Variants in CS observed in about 807,000 individuals in gnomAD.
CS encodes citrate synthase, also known as citrate synthase, mitochondrial.
Under a neutral mutation model 61.4 loss-of-function variants are expected in CS, and 13 were observed. The observed-to-expected ratio is 0.21, with a 90% confidence interval of 0.14 to 0.34. CS has a LOEUF of 0.34. Among genes scored for constraint, CS ranks in the 10% least tolerant of loss-of-function variants. CS has a pLI of 1.00. For missense variants in CS, 278 were observed against 573.4 expected (o/e 0.48, Z 5.26); for synonymous variants, 159 against 215.2 (o/e 0.74, Z 2.29).
intron 6 of CS, among the ~76,000 whole-genome samples, 187 bp from the exon 7 acceptor site, chr12:56,276,382 C>A (rs1000131674): frequency 6.6e-6 from 1 of 152,158 alleles, no homozygotes; most frequent in African/African-American, 2.4e-5. Context: ...CACTGAATAA[C>A]TATTATGACC....
intron 7 of CS, chr12:56,275,637 G>A (rs747345139): frequency 2.0e-5 from 6 of 305,184 alleles, no homozygotes; most frequent in Admixed American, 4.7e-5. Context: ...CACAGAGCTG[G>A]AGAGGTTACT....
intron 1 of CS, among the ~76,000 whole-genome samples, chr12:56,299,672 G>A (rs1480605363): frequency 6.6e-6 from 1 of 152,202 alleles, no homozygotes; most frequent in Admixed American, 6.5e-5. Context: ...TAGGCTTGGA[G>A]AAATGGAAAC....
chr12:56,299,886 T>A, intron 1 of CS: 1 of 402,404 alleles, frequency 2.5e-6, no homozygotes. Flanking sequence ...TCCCCTTTCA[T>A]TTCAGACATG....
chr12:56,274,111 C>T, intron 9 of CS: 1 of 343,976 alleles, frequency 2.9e-6, no homozygotes, highest in Non-Finnish European at 5.5e-6. Context: ...GTTGGGAGTC[C>T]TAGACTAGCC....
chr12:56,288,586 T>C (rs1162050210), intron 1 of CS, among the ~76,000 whole-genome samples: 3 of 151,992 alleles, frequency 2.0e-5, no homozygotes, highest in Non-Finnish European at 4.4e-5. Flanking sequence ...TACGCCTACC[T>C]CGGCCTCCCA....
chr12:56,300,164 G>A lies in CS; in HGVS notation c.38C>T (p.Thr13Ile), dbSNP rs779392959. ...LLTAAARLLGTKNASCLVLAA... is the reference protein window; with the variant it reads ...LLTAAARLLGIKNASCLVLAA... ...CTCCCTCCCCTCGCTGCTCACCTTG[G>A]TTCCCAAGAGCCGGGCGGCCGCAGT... Residue 13 changes from threonine to isoleucine, a missense_variant, in exon 1 of 11, where the codon ACC (threonine) becomes ATC (isoleucine). By Grantham distance (89) the Thr-to-Ile change is moderately conservative. Transcript: ENST00000351328. 2 of 1,568,306 alleles carry A rather than the reference G, an allele frequency of 1.3e-6. No individual in the cohort carries two copies. Among genetic ancestry groups the A allele is most frequent in the Non-Finnish European group, 1.7e-6 (2 of 1,157,906 alleles).
At chr12:56,297,605 G>A (rs1040398974) in intron 1 of CS, among the ~76,000 whole-genome samples, 2 of 152,168 alleles carry the variant, frequency 1.3e-5, no homozygotes, top group Middle Eastern at 3.2e-3. Flanking sequence ...TCAGGAGGCT[G>A]AGTCACGAGA....
intron 6 of CS, among the ~76,000 whole-genome samples, chr12:56,278,326 C>T (rs1872681681): frequency 6.6e-6 from 1 of 152,148 alleles, no homozygotes; most frequent in Non-Finnish European, 1.5e-5. Context: ...TGGGGTTTCA[C>T]CATATTGGCC....
rs1872616004 is a variant in CS at position 56,276,061 on chromosome 12, G to C, written c.723C>G (p.Thr241=). ...GATGATCAGTATAGCCTAACATGTT[G>C]GTGAAATTGTGAGACCAGTCCAGGT... ...DSNLDWSHNF[T]NMLGYTDHQF... is the part of the protein sequence containing the mutation. Residue 241 remains threonine, a synonymous_variant, in exon 7 of 11, where the codon ACC becomes ACG. Coordinates refer to ENST00000351328, the MANE Select transcript of CS (RefSeq NM_004077.3). 1.9e-6 allele frequency: 3 copies of C among 1,614,014 alleles called. No individual in the cohort carries two copies. The highest frequency in any genetic ancestry group is 2.7e-5 in the African/African-American group (2 of 74,900).
At chr12:56,296,795 C>T (rs1873320196) in intron 1 of CS, among the ~76,000 whole-genome samples, 1 of 152,184 alleles carries the variant, frequency 6.6e-6, no homozygotes, top group East Asian at 1.9e-4. Flanking sequence ...AGTCATCTCA[C>T]CACTAACACC....
chr12:56,282,762 C>T, intron 5 of CS, 98 bp downstream of exon 5: 4 of 1,574,946 alleles, frequency 2.5e-6, no homozygotes, highest in Non-Finnish European at 3.5e-6. Flanking sequence ...CTTCACTACG[C>T]ATCTCTATAA....
chr12:56,273,525 C>A, intron 10 of CS, 62 bp downstream of exon 10: 1 of 1,504,136 alleles, frequency 6.6e-7, no homozygotes, highest in Non-Finnish European at 9.2e-7. Flanking sequence ...TGACTTTGTG[C>A]ATGGCAGATA....
intron 9 of CS, 184 bp from the exon 10 acceptor site, chr12:56,273,980 C>T (rs1872570579): frequency 1.7e-6 from 1 of 581,852 alleles, no homozygotes. Flanking sequence ...ACCACAGGTG[C>T]ACACCAACAC....
intron 6 of CS, among the ~76,000 whole-genome samples, 184 bp from the exon 7 acceptor site, chr12:56,276,379 T>A (rs1872624367): frequency 6.6e-6 from 1 of 152,216 alleles, no homozygotes; most frequent in Non-Finnish European, 1.5e-5. Context: ...TTTCACTGAA[T>A]AACTATTATG....
chr12:56,273,485 G>C, intron 10 of CS, 102 bp downstream of exon 10: 1 of 1,225,878 alleles, frequency 8.2e-7, no homozygotes, highest in South Asian at 1.3e-5. Context: ...TGCTCTGTGA[G>C]GGAAGTCCCT....
intron 1 of CS, chr12:56,291,193 T>C: frequency 8.8e-7 from 1 of 1,134,726 alleles, no homozygotes; most frequent in Non-Finnish European, 1.1e-6. Flanking sequence ...TATTTGTTTC[T>C]TACAAATGTG....
At position 56,279,860 on chromosome 12, in the gene CS, G is replaced by A. The variant is rs113409889; in HGVS notation, c.588+2560C>T. 7.4e-5 allele frequency among the ~76,000 whole-genome samples: 11 copies of A among 148,794 alleles called. 1 individual carries two copies. Among genetic ancestry groups the A allele is most frequent in the South Asian group, 2.2e-4 (1 of 4,648 alleles). Reference sequence around the variant, plus strand: ...GTGCGCACCTGTAGTCCCAGCTACCGGGGAGGCTGAGGCAGGAGAATCGCT... The same window carrying A: ...GTGCGCACCTGTAGTCCCAGCTACCAGGGAGGCTGAGGCAGGAGAATCGCT... On this transcript the variant is annotated intron_variant, in intron 6 of 10. Transcript: ENST00000351328.
intron 1 of CS, among the ~76,000 whole-genome samples, chr12:56,292,659 C>T (rs569447351): frequency 9.9e-5 from 14 of 142,020 alleles, no homozygotes; most frequent in East Asian, 6.3e-4. Flanking sequence ...CCAAGGCAGG[C>T]GGATCATGAT....
At chr12:56,290,530 C>T (rs964274605) in intron 1 of CS, among the ~76,000 whole-genome samples, 3 of 151,984 alleles carry the variant, frequency 2.0e-5, no homozygotes, top group Non-Finnish European at 4.4e-5. Flanking sequence ...TTTCTAGCAC[C>T]GTTCGGTGTC....
Sources: allele counts gnomAD v4.1 joint callset (sites outside exome capture counted in the v4.1 genomes callset), GRCh38; gene constraint gnomAD v4.1.1; transcripts MANE v1.5; gene names NCBI Gene and HGNC (gene_info 2026-07-23, HGNC 2026-07-21).